Variants in FAM149A observed in about 807,000 individuals in gnomAD.
FAM149A encodes the protein family with sequence similarity 149 member A.
A neutral mutation model predicts 78.2 loss-of-function variants in FAM149A; 71 were observed. The ratio of observed to expected loss-of-function variants is 0.91; its 90% CI spans 0.75 to 1.11. The LOEUF (loss-of-function observed/expected upper bound fraction) is 1.11. FAM149A is among the 50% of genes least tolerant of loss of function. The probability of loss-of-function intolerance (pLI) is 0.00; values close to 1 mark genes in which losing one functional copy is unlikely to be tolerated. For missense variants in FAM149A, 1,036 were observed against 971.0 expected (o/e 1.07, Z -0.89); for synonymous variants, 446 against 410.5 (o/e 1.09, Z -1.04).
intron 1 of FAM149A, chr4:186,126,882 A>C (rs1252715641): frequency 1.0e-6 from 1 of 985,190 alleles, no homozygotes; most frequent in African/African-American, 1.7e-5. Context: ...AGGGGGAGGA[A>C]GAGACACTTG....
At chr4:186,130,327 C>T (rs1202686302) in intron 1 of FAM149A, among the ~76,000 whole-genome samples, 4 of 75,502 alleles carry the variant, frequency 5.3e-5, no homozygotes, top group African/African-American at 2.0e-4. Flanking sequence ...TCTATATCGA[C>T]AGAACTAAAA....
rs1407214588 is a variant in FAM149A at position 186,144,007 on chromosome 4, A to T, written c.567-5166A>T. ...TAGATGGCCTCAGCTCTCAAAAGAG[A>T]CTGGCTACGGCAGGACGGGGATGAG... On this transcript the variant is annotated intron_variant, in intron 1 of 13. Transcript: ENST00000389354. The surrounding 1 kb of genome is among the most constrained non-coding windows in gnomAD (Gnocchi z 4.2). The T allele has an allele frequency of 6.6e-6, 1 of 152,240 alleles. No homozygotes were observed. The highest frequency in any genetic ancestry group is 1.5e-5 in the Non-Finnish European group (1 of 68,062). The allele number at this position is 152,240 out of a possible 1,614,324, so 9.4% of individuals were successfully genotyped here. A position where few individuals can be genotyped will look rare whatever the true frequency, so the allele number is the denominator to read the frequency against.
intron 1 of FAM149A, chr4:186,132,284 A>G (rs1211253081): frequency 1.1e-6 from 1 of 900,160 alleles, no homozygotes; most frequent in Non-Finnish European, 1.3e-6. Flanking sequence ...CAGTGAAATC[A>G]ATGAAATTGA....
intron 1 of FAM149A, chr4:186,127,685 G>T (rs1005464196): frequency 3.3e-4 from 225 of 692,090 alleles, no homozygotes; most frequent in Admixed American, 2.4e-3. Flanking sequence ...ATATTCTGGT[G>T]GTTTTTGTTT....
At chr4:186,141,180 G>C (rs140620759) in intron 1 of FAM149A, among the ~76,000 whole-genome samples, 3 of 152,110 alleles carry the variant, frequency 2.0e-5, no homozygotes, top group Non-Finnish European at 4.4e-5. Flanking sequence ...CTGCCCACTT[G>C]TTTATGGGTT....
intron 13 of FAM149A, chr4:186,169,732 A>G: frequency 1.0e-6 from 1 of 985,120 alleles, no homozygotes; most frequent in Non-Finnish European, 1.2e-6. Flanking sequence ...GACTGCAGTG[A>G]CCCCCACTGG....
intron 1 of FAM149A, among the ~76,000 whole-genome samples, chr4:186,107,923 A>T (rs2099309460): frequency 6.6e-6 from 1 of 151,750 alleles, no homozygotes; most frequent in South Asian, 2.1e-4. Context: ...ATCATACCCC[A>T]CTCCTTTTTC....
At chr4:186,126,140 A>G (rs948942174) in intron 1 of FAM149A, 6 of 976,246 alleles carry the variant, frequency 6.1e-6, no homozygotes, top group Non-Finnish European at 6.1e-6. Flanking sequence ...GTATCATATC[A>G]CTTGCCCTGT....
intron 1 of FAM149A, chr4:186,109,068 C>T (rs770984549): frequency 2.3e-5 from 7 of 304,126 alleles, no homozygotes; most frequent in East Asian, 3.4e-4. Flanking sequence ...AGGATGGTCT[C>T]GATCTCCTGA....
At chr4:186,160,064 G>GCACA (rs1194629277) in intron 8 of FAM149A, among the ~76,000 whole-genome samples, 1 of 90,694 alleles carries the variant, frequency 1.1e-5, no homozygotes, top group East Asian at 3.3e-4. Context: ...CATACACCAC[G>GCACA]CACACACCAC....
intron 1 of FAM149A, among the ~76,000 whole-genome samples, chr4:186,136,976 TTCTC>T (rs70964917): frequency 1.4e-3 from 99 of 72,098 alleles, no homozygotes; most frequent in South Asian, 3.5e-3. Context: ...CTCTCTCTCT[TTCTC>T]TCTCTCTCTC....
chr4:186,132,320 G>C (rs2099321072), intron 1 of FAM149A: 1 of 703,794 alleles, frequency 1.4e-6, no homozygotes, highest in African/African-American at 1.9e-5. Context: ...AAATAAGACT[G>C]TGTTATTGAT....
intron 1 of FAM149A, among the ~76,000 whole-genome samples, chr4:186,136,996 CTCTCTCTCTCTCTCTCTCTCTCTA>C (rs2099323519): frequency 7.2e-6 from 1 of 139,072 alleles, no homozygotes; most frequent in African/African-American, 2.7e-5. Context: ...CTCTCTCTCT[CTCTCTCTCTCTCTCTCTCTCTCTA>C]AGTGCTTAAA....
intron 5 of FAM149A, 111 bp from the exon 6 acceptor site, chr4:186,154,357 A>T: frequency 2.4e-6 from 2 of 839,790 alleles, no homozygotes; most frequent in Non-Finnish European, 3.5e-6. Flanking sequence ...CCGTTTTGGG[A>T]GGGGGGGATT....
intron 1 of FAM149A, chr4:186,127,357 A>G: frequency 2.0e-6 from 2 of 985,418 alleles, no homozygotes; most frequent in South Asian, 9.4e-5. Context: ...CTTCCAGTCT[A>G]CCTGGATTCC....
chr4:186,151,862 G>GT (rs1183115763), intron 3 of FAM149A, 41 bp from the exon 4 acceptor site: 5 of 1,607,424 alleles, frequency 3.1e-6, no homozygotes, highest in Non-Finnish European at 4.3e-6. Flanking sequence ...CCGCAGTTCT[G>GT]TAACTTGCAG....
intron 1 of FAM149A, chr4:186,117,812 G>A (rs2099314358): frequency 3.6e-6 from 3 of 833,744 alleles, no homozygotes; most frequent in Non-Finnish European, 2.9e-6. Flanking sequence ...ATAAACGCCT[G>A]AGAGGTATGG....
At chr4:186,168,223 T>C (rs1440146687) in intron 13 of FAM149A, among the ~76,000 whole-genome samples, 1 of 152,244 alleles carries the variant, frequency 6.6e-6, no homozygotes, top group African/African-American at 2.4e-5. Flanking sequence ...GCTCCTGCGC[T>C]AGTCGCTCTG....
chr4:186,134,573 TAGTC>T (rs1170566050), intron 1 of FAM149A, among the ~76,000 whole-genome samples: 1 of 152,212 alleles, frequency 6.6e-6, no homozygotes, highest in African/African-American at 2.4e-5. Context: ...ATGTCTTCGT[TAGTC>T]AGACCTAGGT....
Sources: allele counts gnomAD v4.1 joint callset (sites outside exome capture counted in the v4.1 genomes callset), GRCh38; gene constraint gnomAD v4.1.1; non-coding constraint Gnocchi (gnomAD v3.1); transcripts MANE v1.5; gene names NCBI Gene and HGNC (gene_info 2026-07-23, HGNC 2026-07-21).